PRPSAP1: variants seen among roughly 807,000 people sequenced by gnomAD.
The protein encoded by PRPSAP1 is phosphoribosyl pyrophosphate synthase-associated protein 1.
Under a neutral mutation model 39.4 loss-of-function variants are expected in PRPSAP1, and 31 were observed. The ratio of observed to expected loss-of-function variants is 0.79; its 90% CI spans 0.59 to 1.06. The LOEUF (loss-of-function observed/expected upper bound fraction) is 1.06, where lower values mean the gene tolerates loss of function less well. PRPSAP1 is among the 50% of genes least tolerant of loss of function. The pLI is 0.00. For missense variants in PRPSAP1, 430 were observed against 511.6 expected, an observed-to-expected ratio of 0.84 and a Z score of 1.54; for synonymous variants, 212 against 192.6, an observed-to-expected ratio of 1.10 and a Z score of -0.83.
rs138247677 is a variant in PRPSAP1, at chr17:76,353,637, G to T, written c.67C>A (p.Arg23Ser). The change falls in exon 1 of 10, where the codon CGC becomes AGC. Residue 23 changes from arginine to serine, a missense_variant. Arg to Ser is a moderately radical substitution (Grantham distance 110). This residue lies in a region of PRPSAP1 where 152 missense variants were observed against 135.2 expected (regional missense o/e 1.12). Coordinates refer to ENST00000446526, the MANE Select transcript of PRPSAP1 (RefSeq NM_002766.3). ...ASSAFRVPRA[R>S]PVPPPAMNAA... ...TTCATGGCCGGCGGGGGAACGGGGC[G>T]GGCGCGCGGGACGCGGAAAGCCGAG... 3.3e-4 allele frequency: 514 copies of T among 1,538,838 alleles called. 7 individuals carry two copies. The East Asian group carries it at 0.013, about 39-fold the overall frequency.
At chr17:76,328,488 A>C (rs2071277867) in intron 7 of PRPSAP1, among the ~76,000 whole-genome samples, 1 of 152,094 alleles carries the variant, frequency 6.6e-6, no homozygotes, top group African/African-American at 2.4e-5. Context: ...ACACACCTGT[A>C]ATCTTTGCCA....
intron 7 of PRPSAP1, among the ~76,000 whole-genome samples, chr17:76,316,055 G>A (rs552756032): frequency 2.0e-5 from 3 of 151,264 alleles, no homozygotes; most frequent in African/African-American, 7.3e-5. Flanking sequence ...GCACACGCCT[G>A]TAATCCTAGC....
intron 2 of PRPSAP1, chr17:76,345,919 C>A: frequency 2.3e-6 from 1 of 432,198 alleles, no homozygotes; most frequent in Non-Finnish European, 4.5e-6. Context: ...ATCTGTGAGG[C>A]TGTCTGCTAA....
chr17:76,352,835 T>C (rs1394315375), intron 1 of PRPSAP1, among the ~76,000 whole-genome samples: 9 of 152,196 alleles, frequency 5.9e-5, no homozygotes, highest in Middle Eastern at 6.8e-3. Flanking sequence ...TCAAGTCTCT[T>C]GCCCACTGAC....
rs201128527 is a variant in PRPSAP1, at chr17:76,332,357, C to G, written c.369G>C (p.Gly123=). 1.2e-4 allele frequency: 199 copies of G among 1,614,046 alleles called. 1 individual carries two copies. The highest frequency in any genetic ancestry group is 1.6e-4 in the Non-Finnish European group (192 of 1,180,036). Residue 123 remains glycine (G), a synonymous_variant, in exon 4 of 10, where the codon GGG becomes GGC. Coordinates refer to ENST00000446526, the MANE Select transcript of PRPSAP1 (RefSeq NM_002766.3). ...LKTACARNII[G]VIPYFPYSKQ... is the part of the protein sequence containing the mutation. ...TGCTGTAGGGGAAGTAGGGGATGAC[C>G]CCAATAATGTTCCTGGCACAGGCAG...
intron 7 of PRPSAP1, among the ~76,000 whole-genome samples, chr17:76,320,578 C>T (rs1296385078): frequency 6.7e-6 from 1 of 149,286 alleles, no homozygotes; most frequent in African/African-American, 2.5e-5. Context: ...GCACACACCA[C>T]CACGTCCAGC....
At chr17:76,324,638 A>C in intron 7 of PRPSAP1, among the ~76,000 whole-genome samples, 1 of 152,020 alleles carries the variant, frequency 6.6e-6, no homozygotes, top group East Asian at 1.9e-4. Flanking sequence ...ATTACATGCT[A>C]CAGAAAGATC....
chr17:76,329,631 G>C (rs2071297577), intron 6 of PRPSAP1, among the ~76,000 whole-genome samples: 1 of 152,008 alleles, frequency 6.6e-6, no homozygotes, highest in Non-Finnish European at 1.5e-5. Context: ...AGCTACTGGG[G>C]AGGCTGAGGC....
At chr17:76,325,530 T>C (rs2071246950) in intron 7 of PRPSAP1, among the ~76,000 whole-genome samples, 1 of 146,598 alleles carries the variant, frequency 6.8e-6, no homozygotes, top group South Asian at 2.2e-4. Flanking sequence ...ACCACCCTGA[T>C]CAGTCAGCAG....
chr17:76,333,424 G>A (rs910054385), intron 3 of PRPSAP1, among the ~76,000 whole-genome samples: 6 of 152,006 alleles, frequency 3.9e-5, no homozygotes, highest in African/African-American at 9.7e-5. Context: ...CTTAATTTTC[G>A]AAAACCTCCC....
chr17:76,311,467 A>G lies in PRPSAP1; in HGVS notation c.*75T>C. 1 of 1,489,100 alleles carries G rather than the reference A, an allele frequency of 6.7e-7. No homozygotes were observed. 92.2% of individuals were successfully genotyped at this position (1,489,100 alleles called of 1,614,324 possible). ...CTGTTTCGAGTCCTCCCTTGCAAGGAAACACTGTATCACTCATGGCACTGC... is the reference window on the plus strand; with the variant it reads ...CTGTTTCGAGTCCTCCCTTGCAAGGGAACACTGTATCACTCATGGCACTGC... On this transcript the variant is annotated 3_prime_UTR_variant, in exon 10 of 10. Transcript: ENST00000446526.
intron 7 of PRPSAP1, among the ~76,000 whole-genome samples, chr17:76,322,860 C>T (rs2071212422): frequency 6.6e-6 from 1 of 152,016 alleles, no homozygotes; most frequent in Non-Finnish European, 1.5e-5. Context: ...GTGGCACGTA[C>T]CTGTGGTCCC....
At chr17:76,349,592 C>A (rs1053555633) in intron 1 of PRPSAP1, among the ~76,000 whole-genome samples, 2 of 151,792 alleles carry the variant, frequency 1.3e-5, no homozygotes, top group Non-Finnish European at 2.9e-5. Context: ...AAAACCCCAT[C>A]TCTACTAAAA....
At chr17:76,321,355 G>A (rs2071196268) in intron 7 of PRPSAP1, among the ~76,000 whole-genome samples, 1 of 151,998 alleles carries the variant, frequency 6.6e-6, no homozygotes, top group East Asian at 1.9e-4. Context: ...AGGAGTTCAA[G>A]ACCAGCCTGA....
At chr17:76,350,409 A>C (rs2071555882) in intron 1 of PRPSAP1, among the ~76,000 whole-genome samples, 1 of 151,972 alleles carries the variant, frequency 6.6e-6, no homozygotes. Context: ...ACTGCACTCC[A>C]GCCTGTGCGA....
In PRPSAP1 at chr17:76,312,949, T is replaced by C. The variant is rs2071084654; in HGVS notation, c.920A>G (p.Tyr307Cys). 3.1e-6 allele frequency: 5 copies of C among 1,614,134 alleles called. No homozygotes were observed. The highest frequency in any genetic ancestry group is 4.2e-6 in the Non-Finnish European group (5 of 1,180,018). Residue 307 changes from tyrosine to cysteine, a missense_variant, in exon 9 of 10, where the codon TAT becomes TGT. Coordinates refer to ENST00000446526, the MANE Select transcript of PRPSAP1 (RefSeq NM_002766.3). ...GTGGGTGGCCATAACATAGATCTTATAGGCGCCTCTCTCTTTCAGGATCTC... is the reference window on the plus strand; with the variant it reads ...GTGGGTGGCCATAACATAGATCTTACAGGCGCCTCTCTCTTTCAGGATCTC... ...AAEILKERGA[Y>C]KIYVMATHGI...
At chr17:76,340,576 T>G (rs536660192) in intron 3 of PRPSAP1, among the ~76,000 whole-genome samples, 2 of 151,488 alleles carry the variant, frequency 1.3e-5, no homozygotes, top group South Asian at 2.1e-4. Context: ...ATATGCTGTT[T>G]CTATGCTCGA....
At chr17:76,352,185 C>T (rs1008594493) in intron 1 of PRPSAP1, among the ~76,000 whole-genome samples, 1 of 151,692 alleles carries the variant, frequency 6.6e-6, no homozygotes, top group African/African-American at 2.4e-5. Flanking sequence ...AAAAAAGTAA[C>T]GAAGTAACTC....
intron 1 of PRPSAP1, among the ~76,000 whole-genome samples, chr17:76,351,617 G>T (rs545836180): frequency 6.6e-6 from 1 of 152,110 alleles, no homozygotes; most frequent in Non-Finnish European, 1.5e-5. Context: ...AACTTGGGAC[G>T]TGGAGGTTGC....
Sources: allele counts gnomAD v4.1 joint callset (sites outside exome capture counted in the v4.1 genomes callset), GRCh38; gene constraint gnomAD v4.1.1; regional missense constraint gnomAD v4.1.1; transcripts MANE v1.5; gene names NCBI Gene and HGNC (gene_info 2026-07-23, HGNC 2026-07-21).